The following ARHGEF3 variants were observed in gnomAD, a reference collection of about 807,000 sequenced individuals.
The protein encoded by ARHGEF3 is Rho guanine nucleotide exchange factor 3, also known as 59.8 kDA protein.
A neutral mutation model predicts 63.2 loss-of-function variants in ARHGEF3; 28 were observed. The observed-to-expected ratio is 0.44, with a 90% CI of 0.33 to 0.61. ARHGEF3 has a LOEUF of 0.61. Ranked by LOEUF, ARHGEF3 falls within the 20% of genes least tolerant of loss-of-function variation. The pLI is 0.03. For missense variants in ARHGEF3, 533 were observed against 659.3 expected, an observed-to-expected ratio of 0.81 and a Z score of 2.10; for synonymous variants, 266 against 254.2, an observed-to-expected ratio of 1.05 and a Z score of -0.44.
At chr3:56,960,551 C>T (rs1338427128) in intron 2 of ARHGEF3, 1 of 152,260 alleles carries the variant, frequency 6.6e-6, no homozygotes, top group Admixed American at 6.5e-5. Context: ...GCGTGGTGCC[C>T]CTGTCCCCCT....
At chr3:56,989,476 C>T (rs954134071) in intron 2 of ARHGEF3, among the ~76,000 whole-genome samples, 3 of 152,166 alleles carry the variant, frequency 2.0e-5, no homozygotes, top group South Asian at 2.1e-4. Context: ...AGAGACACTC[C>T]GAGCCAAAAC....
At chr3:57,002,502 A>ATGT (rs1702279219) in intron 2 of ARHGEF3, among the ~76,000 whole-genome samples, 1 of 81,058 alleles carries the variant, frequency 1.2e-5, no homozygotes, top group African/African-American at 4.3e-5. Flanking sequence ...TATATGTTAT[A>ATGT]TATATATATA....
At chr3:56,909,594 T>A (rs1259685089) in intron 3 of ARHGEF3, among the ~76,000 whole-genome samples, 1 of 152,156 alleles carries the variant, frequency 6.6e-6, no homozygotes, top group Non-Finnish European at 1.5e-5. Flanking sequence ...GATGAAACAA[T>A]CCCTGTGAAA....
At chr3:57,069,933 C>T (rs1260585785) in intron 1 of ARHGEF3, among the ~76,000 whole-genome samples, 1 of 152,264 alleles carries the variant, frequency 6.6e-6, no homozygotes, top group Non-Finnish European at 1.5e-5. Context: ...GCATGAGCCA[C>T]TGCGCCTGGC....
intron 4 of ARHGEF3, among the ~76,000 whole-genome samples, chr3:56,874,360 A>G (rs954173284): frequency 2.0e-5 from 3 of 152,308 alleles, no homozygotes; most frequent in East Asian, 1.9e-4. Context: ...CACATAATTC[A>G]TCAAGGCCCC....
chr3:56,882,659 T>C (rs368484141), intron 3 of ARHGEF3, among the ~76,000 whole-genome samples: 162 of 151,700 alleles, frequency 1.1e-3, no homozygotes, highest in East Asian at 5.4e-3. Context: ...GCTGGGATTA[T>C]AGGCACACGC....
At chr3:56,796,810 A>G (rs2037392988) in intron 1 of ARHGEF3, among the ~76,000 whole-genome samples, 1 of 152,166 alleles carries the variant, frequency 6.6e-6, no homozygotes, top group Non-Finnish European at 1.5e-5. Flanking sequence ...TGGGAAAGCC[A>G]CTACCCTGTT....
Position 57,042,756 on chromosome 3 carries a change from G to A in ARHGEF3, c.-27-7580C>T, listed in dbSNP as rs531158645. On this transcript the variant is annotated intron_variant, in intron 1 of 12. Coordinates refer to the ARHGEF3 transcript ENST00000338458. ...CTGTCGCCCAGACTGGAGTACAGTG[G>A]CGTGATCTCAGCTCACTGCAAGCTC... is the stretch of plus-strand genomic sequence containing the variant. Among the ~76,000 whole-genome samples the A allele has an allele frequency of 1.9e-4, 27 of 139,632 alleles. 1 individual carries two copies. In the East Asian group the frequency reaches 5.8e-3, roughly 30 times the overall value. The allele number at this position is 139,632 out of a possible 152,430, so 91.6% of individuals were successfully genotyped here.
chr3:57,059,012 G>C, intron 1 of ARHGEF3, among the ~76,000 whole-genome samples: 1 of 114,092 alleles, frequency 8.8e-6, no homozygotes. Flanking sequence ...GGAGGGGGGA[G>C]GGATAGCATT....
rs547590126 is a variant in ARHGEF3 at position 56,934,547 on chromosome 3, C to T, written c.129+24276G>A. Among the ~76,000 whole-genome samples, 4 of 152,328 alleles carry T rather than the reference C, an allele frequency of 2.6e-5. No homozygotes were observed. In the East Asian group the frequency reaches 7.7e-4, roughly 29 times the overall value. The stretch of plus-strand genomic sequence containing the variant: ...TCCGGGTGGGTGTGGGCTTGGCGGC[C>T]CCCGCACTCGGAGCAGCTGCCGGCT... On this transcript the variant is annotated intron_variant, in intron 3 of 12. Coordinates refer to the ARHGEF3 transcript ENST00000338458.
chr3:56,744,320 C>T (rs115503507), intron 7 of ARHGEF3, among the ~76,000 whole-genome samples: 1,549 of 151,854 alleles, frequency 0.01, 31 homozygotes, highest in African/African-American at 0.036. Context: ...TGATGTGCAC[C>T]CCATTTTTCC....
intron 4 of ARHGEF3, among the ~76,000 whole-genome samples, chr3:56,879,480 C>G (rs2040697564): frequency 6.6e-6 from 1 of 152,142 alleles, no homozygotes; most frequent in Non-Finnish European, 1.5e-5. Flanking sequence ...TCAATGAAAA[C>G]TTGAATATGG....
intron 4 of ARHGEF3, among the ~76,000 whole-genome samples, chr3:56,829,967 G>A (rs564573887): frequency 3.5e-4 from 53 of 152,314 alleles, no homozygotes; most frequent in Non-Finnish European, 5.7e-4. Flanking sequence ...TTTACTATCC[G>A]ATGATCGTGT....
chr3:57,062,461 G>A (rs767706992), intron 1 of ARHGEF3, among the ~76,000 whole-genome samples: 2 of 152,068 alleles, frequency 1.3e-5, no homozygotes, highest in Non-Finnish European at 2.9e-5. Context: ...CGGCGGGGGC[G>A]GGGGGTGCTC....
intron 1 of ARHGEF3, among the ~76,000 whole-genome samples, chr3:57,042,968 A>T (rs1161310846): frequency 6.6e-6 from 1 of 151,544 alleles, no homozygotes; most frequent in East Asian, 1.9e-4. Flanking sequence ...AAGTGCTGGG[A>T]TTACAGGCAT....
intron 1 of ARHGEF3, chr3:57,073,557 G>T (rs1706051305): frequency 7.2e-7 from 1 of 1,379,966 alleles, no homozygotes; most frequent in Admixed American, 2.8e-5. Flanking sequence ...ATGATTGGTG[G>T]TGGGGTGTGG....
At chr3:57,057,302 G>A (rs549633110) in intron 1 of ARHGEF3, among the ~76,000 whole-genome samples, 17 of 152,112 alleles carry the variant, frequency 1.1e-4, no homozygotes, top group East Asian at 3.9e-4. Flanking sequence ...AGTAGAGAGC[G>A]GTTTTGCCAT....
chr3:57,001,929 TG>T (rs67062967), intron 2 of ARHGEF3, among the ~76,000 whole-genome samples: 52,359 of 96,962 alleles, frequency 0.54, 18,587 homozygotes, highest in East Asian at 0.65. Flanking sequence ...TTTTTTTTTT[TG>T]TTTTTTGTTT....
chr3:57,051,487 CA>C (rs959293944), intron 1 of ARHGEF3, among the ~76,000 whole-genome samples: 7 of 150,686 alleles, frequency 4.6e-5, no homozygotes, highest in East Asian at 1.9e-4. Flanking sequence ...AACTCCACCT[CA>C]AAAAAAATAA....
Sources: allele counts gnomAD v4.1 joint callset (sites outside exome capture counted in the v4.1 genomes callset), GRCh38; gene constraint gnomAD v4.1.1; transcripts MANE v1.5; gene names NCBI Gene and HGNC (gene_info 2026-07-23, HGNC 2026-07-21).